The following SLC35D4 variants were observed in gnomAD, a reference collection of about 807,000 sequenced individuals.
SLC35D4 encodes the protein solute carrier family 35 member D4, also known as UDP-N-acetylglucosamine transporter SLC35D4.
chr18:23,334,290 ATGCAACCCTGGGCCTGCTCCTTG>A, the SLC35D4 span, among the ~76,000 whole-genome samples: 2 of 152,140 alleles, frequency 1.3e-5, no homozygotes, highest in Non-Finnish European at 2.9e-5. Context: ...TTGGACACAG[ATGCAACCCTGGGCCTGCTCCTTG>A]TGCAGCAATC....
chr18:23,411,544 A>T, the SLC35D4 span, among the ~76,000 whole-genome samples: 2 of 150,022 alleles, frequency 1.3e-5, no homozygotes, highest in Admixed American at 6.7e-5. Context: ...AAAGAAAGAA[A>T]GAAAGAAAGG....
chr18:23,376,975 TGGA>T, the SLC35D4 span: 43 of 456,230 alleles, frequency 9.4e-5, no homozygotes, highest in Middle Eastern at 2.7e-3. Context: ...GGTGGGGGAT[TGGA>T]TGAAAGCCCA....
At chr18:23,316,037 C>T in the SLC35D4 span, among the ~76,000 whole-genome samples, 2 of 152,236 alleles carry the variant, frequency 1.3e-5, no homozygotes, top group African/African-American at 2.4e-5. Context: ...TCAGGTTCCA[C>T]CCCTGACCTA....
At chr18:23,252,569 C>T in the SLC35D4 span, among the ~76,000 whole-genome samples, 3 of 152,092 alleles carry the variant, frequency 2.0e-5, no homozygotes, top group African/African-American at 7.2e-5. Context: ...CTCCCAAAGC[C>T]GTCAGACTAG....
the SLC35D4 span, among the ~76,000 whole-genome samples, chr18:23,411,479 G>GAAAGAAAGAA: frequency 1.1e-4 from 8 of 72,776 alleles, no homozygotes; most frequent in Non-Finnish European, 2.9e-5. Context: ...AAGAAAGAAA[G>GAAAGAAAGAA]AGATAGAAAG....
At chr18:23,376,446 C>A in the SLC35D4 span, among the ~76,000 whole-genome samples, 1 of 152,216 alleles carries the variant, frequency 6.6e-6, no homozygotes, top group South Asian at 2.1e-4. Flanking sequence ...GCCTGAGGCT[C>A]AGGACACTTC....
At chr18:23,345,630 ATAATT>A in the SLC35D4 span, among the ~76,000 whole-genome samples, 2 of 152,002 alleles carry the variant, frequency 1.3e-5, no homozygotes, top group Non-Finnish European at 2.9e-5. Context: ...TTCAAATCAC[ATAATT>A]TAAGTCCCCC....
the SLC35D4 span, among the ~76,000 whole-genome samples, chr18:23,431,961 AG>A: frequency 4.6e-5 from 7 of 152,180 alleles, no homozygotes; most frequent in African/African-American, 1.7e-4. Flanking sequence ...CTTTTTTCCC[AG>A]GGATTAGTCC....
chr18:23,421,442 C>A, the SLC35D4 span: 2 of 1,613,922 alleles, frequency 1.2e-6, no homozygotes, highest in African/African-American at 1.3e-5. Context: ...GAGCGTCTGC[C>A]ACCTGGAAAG....
At chr18:23,269,305 G>A in the SLC35D4 span, among the ~76,000 whole-genome samples, 20 of 152,258 alleles carry the variant, frequency 1.3e-4, no homozygotes, top group South Asian at 8.3e-4. Context: ...GTTTTATAAG[G>A]GGCTTCCCCA....
chr18:23,432,679 TC>T, the SLC35D4 span, among the ~76,000 whole-genome samples: 1 of 131,282 alleles, frequency 7.6e-6, no homozygotes. Context: ...AGACTCCTTC[TC>T]AAAAAAAAAA....
chr18:23,404,200 G>A, the SLC35D4 span, among the ~76,000 whole-genome samples: 1 of 152,170 alleles, frequency 6.6e-6, no homozygotes, highest in Non-Finnish European at 1.5e-5. Context: ...AGAGCCTTCT[G>A]TGGCTTGGAA....
At chr18:23,386,118 CTG>C in the SLC35D4 span, among the ~76,000 whole-genome samples, 1 of 120,754 alleles carries the variant, frequency 8.3e-6, no homozygotes, top group African/African-American at 3.4e-5. Flanking sequence ...GAGCGAGACT[CTG>C]TCTCAAAAAA....
chr18:23,255,594 C>T, the SLC35D4 span, among the ~76,000 whole-genome samples: 2 of 146,512 alleles, frequency 1.4e-5, no homozygotes, highest in African/African-American at 2.5e-5. Flanking sequence ...GGGTCTCACT[C>T]TGTCACCCAG....
chr18:23,371,807 C>G, the SLC35D4 span, among the ~76,000 whole-genome samples: 45 of 152,006 alleles, frequency 3.0e-4, no homozygotes. Flanking sequence ...GGATAACTTG[C>G]ATTTTCCCAA....
the SLC35D4 span, among the ~76,000 whole-genome samples, chr18:23,344,983 T>C: frequency 6.6e-6 from 1 of 152,228 alleles, no homozygotes; most frequent in East Asian, 1.9e-4. Context: ...TTATGACTTA[T>C]GCTTTTGGTG....
the SLC35D4 span, among the ~76,000 whole-genome samples, chr18:23,417,691 T>A: frequency 6.6e-6 from 1 of 152,238 alleles, no homozygotes; most frequent in Non-Finnish European, 1.5e-5. Context: ...GTAATACATA[T>A]TTTATTAATA....
the SLC35D4 span, among the ~76,000 whole-genome samples, chr18:23,377,934 G>A: frequency 6.6e-6 from 1 of 152,140 alleles, no homozygotes; most frequent in African/African-American, 2.4e-5. Context: ...ATGACGCTGG[G>A]GCTGTGTCTT....
the SLC35D4 span, among the ~76,000 whole-genome samples, chr18:23,378,753 T>G: frequency 6.6e-6 from 1 of 152,252 alleles, no homozygotes; most frequent in African/African-American, 2.4e-5. Context: ...AGGATTATTC[T>G]GCTAGCTGGG....
Sources: allele counts gnomAD v4.1 joint callset (sites outside exome capture counted in the v4.1 genomes callset), GRCh38; gene constraint gnomAD v4.1.1; transcripts MANE v1.5; gene names NCBI Gene and HGNC (gene_info 2026-07-23, HGNC 2026-07-21).